Variants in MYO18B observed in about 807,000 individuals in gnomAD.
MYO18B encodes myosin XVIIIB.
In MYO18B, 204 loss-of-function variants were observed where a neutral mutation model predicts 273.0. That is an observed-to-expected ratio of 0.75 (90% CI 0.67 to 0.84). The LOEUF is 0.84. Ranked by LOEUF, MYO18B falls within the 40% of genes least tolerant of loss-of-function variation. The probability of loss-of-function intolerance (pLI) is 0.00; values close to 1 mark genes in which losing one functional copy is unlikely to be tolerated. For missense variants in MYO18B, 3,212 were observed against 3,287.6 expected (o/e 0.98, Z 0.56); for synonymous variants, 1,330 against 1,305.7 (o/e 1.02, Z -0.40).
chr22:25,933,724 G>A (rs137986181), intron 34 of MYO18B, among the ~76,000 whole-genome samples: 2 of 152,264 alleles, frequency 1.3e-5, no homozygotes, highest in African/African-American at 4.8e-5. Context: ...TCTTATCCAT[G>A]TTGCTGTTTA....
chr22:25,961,015 A>G (rs756653890), intron 39 of MYO18B, among the ~76,000 whole-genome samples: 1 of 152,118 alleles, frequency 6.6e-6, no homozygotes, highest in African/African-American at 2.4e-5. Context: ...AAAGAAAGAA[A>G]GAGGAAAGAA....
At position 25,828,828 on chromosome 22, in the gene MYO18B, C is replaced by G. The variant is rs958527726; in HGVS notation, c.2839C>G (p.Pro947Ala). The G allele has an allele frequency of 1.9e-6, 3 of 1,613,962 alleles. No homozygotes were observed. The South Asian group carries it at 3.3e-5, about 18-fold the overall frequency. The change falls in exon 15 of 44, where the codon CCA (proline) becomes GCA (alanine). Residue 947 changes from proline to alanine, a missense_variant. Coordinates refer to ENST00000335473, the MANE Select transcript of MYO18B (RefSeq NM_032608.7). Reference protein sequence around the residue: ...SMASIMVVDSPGFQNPRHQGK... With the variant: ...SMASIMVVDSAGFQNPRHQGK... ...GGCCTCCATCATGGTGGTGGACTCT[C>G]CAGGCTTCCAGAACCCCCGGCACCA... is the stretch of plus-strand genomic sequence containing the variant.
intron 3 of MYO18B, among the ~76,000 whole-genome samples, chr22:25,765,784 G>C (rs191864691): frequency 6.6e-6 from 1 of 152,164 alleles, no homozygotes; most frequent in Non-Finnish European, 1.5e-5. Flanking sequence ...GGTGGGAGGA[G>C]GCTGGCACTG....
chr22:25,782,178 C>T (rs970397157), intron 10 of MYO18B, among the ~76,000 whole-genome samples: 4 of 152,162 alleles, frequency 2.6e-5, no homozygotes, highest in African/African-American at 4.8e-5. Flanking sequence ...GTGGAAACAA[C>T]ACCTTGCATA....
At chr22:25,892,293 C>G (rs1362050009) in intron 27 of MYO18B, 1 of 152,240 alleles carries the variant, frequency 6.6e-6, no homozygotes, top group Non-Finnish European at 1.5e-5. Flanking sequence ...GAAACTACTG[C>G]TCTCCCCATT....
intron 34 of MYO18B, among the ~76,000 whole-genome samples, chr22:25,939,871 T>C (rs2092623797): frequency 1.3e-5 from 2 of 152,198 alleles, no homozygotes; most frequent in Non-Finnish European, 2.9e-5. Context: ...AGTAAGTCAC[T>C]CAACCTCTCT....
chr22:25,772,038 T>C (rs1401874114), intron 6 of MYO18B, among the ~76,000 whole-genome samples: 1 of 152,188 alleles, frequency 6.6e-6, no homozygotes, highest in Non-Finnish European at 1.5e-5. Context: ...AGAAAGTGTT[T>C]TGAATTTTGT....
chr22:25,743,191 T>A (rs952683542), intron 1 of MYO18B, among the ~76,000 whole-genome samples: 1 of 152,260 alleles, frequency 6.6e-6, no homozygotes, highest in Non-Finnish European at 1.5e-5. Context: ...GGGCCTGGAA[T>A]ACGACGAGGC....
rs2085720842 is a variant in MYO18B, at chr22:25,744,575, C to A, written c.-110+2282C>A. The stretch of plus-strand genomic sequence containing the variant: ...TGAAACCCCGTCTCTACTAAAAACA[C>A]AAAAAAAAATTAGCCGGGCGTGGTG... On this transcript the variant is annotated intron_variant, in intron 1 of 43. Coordinates refer to ENST00000335473, the MANE Select transcript of MYO18B (RefSeq NM_032608.7). Among the ~76,000 whole-genome samples the A allele has an allele frequency of 2.0e-5, 3 of 150,796 alleles. No individual in the cohort carries two copies. The South Asian group carries it at 6.3e-4, about 31-fold the overall frequency.
chr22:26,042,961 AC>A, the MYO18B span, among the ~76,000 whole-genome samples: 11 of 152,202 alleles, frequency 7.2e-5, no homozygotes, highest in Non-Finnish European at 7.3e-5. Flanking sequence ...AATTGCTGAG[AC>A]CTAAAGTGTG....
chr22:25,851,806 G>A (rs1238383117), intron 21 of MYO18B, among the ~76,000 whole-genome samples: 1 of 152,166 alleles, frequency 6.6e-6, no homozygotes, highest in African/African-American at 2.4e-5. Context: ...TGCCCCAGGG[G>A]GCATCTGGAC....
intron 39 of MYO18B, among the ~76,000 whole-genome samples, chr22:25,986,867 A>G (rs992072664): frequency 3.9e-5 from 6 of 152,154 alleles, no homozygotes; most frequent in African/African-American, 1.4e-4. Context: ...CTACACATGC[A>G]TGTATTGTAC....
intron 21 of MYO18B, among the ~76,000 whole-genome samples, chr22:25,854,872 A>G (rs2090522479): frequency 6.6e-6 from 1 of 152,056 alleles, no homozygotes; most frequent in Admixed American, 6.5e-5. Flanking sequence ...AAAATATTCC[A>G]TTGTGGATGT....
At chr22:25,931,631 A>G (rs898252844) in intron 34 of MYO18B, among the ~76,000 whole-genome samples, 5 of 151,600 alleles carry the variant, frequency 3.3e-5, no homozygotes, top group Non-Finnish European at 7.4e-5. Flanking sequence ...GCCAGACTCC[A>G]GAGGAGAGGA....
chr22:25,931,137 T>C (rs888142344), intron 34 of MYO18B, among the ~76,000 whole-genome samples: 18 of 152,054 alleles, frequency 1.2e-4, no homozygotes, highest in African/African-American at 4.4e-4. Flanking sequence ...TTGAAGAGCC[T>C]TTTTTAAAAC....
chr22:25,890,856 G>A lies in MYO18B; in HGVS notation c.4415G>A (p.Arg1472Gln), dbSNP rs771738416. 30 of 1,613,670 alleles carry A rather than the reference G, an allele frequency of 1.9e-5. No individual in the cohort carries two copies. The highest frequency in any genetic ancestry group is 9.9e-5 in the South Asian group (9 of 91,052). The change falls in exon 26 of 44, where the codon CGG (arginine) becomes CAG (glutamine). Residue 1472 changes from arginine to glutamine, a missense_variant. By Grantham distance (43) the Arg-to-Gln change is conservative. Coordinates refer to ENST00000335473, the MANE Select transcript of MYO18B (RefSeq NM_032608.7). ...CGGGCAGAGCGGCTACAGGCCTTCC[G>A]GGAGGTCCAGGAGCTCAAGGTGAGT... ...SERAERLQAF[R>Q]EVQELKSKHE...
At chr22:25,775,220 T>C (rs114338957) in intron 7 of MYO18B, among the ~76,000 whole-genome samples, 1,993 of 152,288 alleles carry the variant, frequency 0.013, 44 homozygotes, top group African/African-American at 0.045. Flanking sequence ...GGCATATCCC[T>C]CCTTTGCCTG....
chr22:25,835,659 T>G (rs2089872310), intron 17 of MYO18B, among the ~76,000 whole-genome samples: 1 of 152,244 alleles, frequency 6.6e-6, no homozygotes, highest in South Asian at 2.1e-4. Context: ...ATGTGTTAGT[T>G]AACCAGCCTG....
chr22:25,900,963 A>T (rs2091920779), intron 29 of MYO18B: 1 of 152,198 alleles, frequency 6.6e-6, no homozygotes, highest in Non-Finnish European at 1.5e-5. Flanking sequence ...TCCTCAGTGA[A>T]TGGATCGAAT....
Sources: allele counts gnomAD v4.1 joint callset (sites outside exome capture counted in the v4.1 genomes callset), GRCh38; gene constraint gnomAD v4.1.1; transcripts MANE v1.5; gene names NCBI Gene and HGNC (gene_info 2026-07-23, HGNC 2026-07-21).